Variants in PRKCA observed in about 807,000 individuals in gnomAD.
PRKCA encodes the protein protein kinase C alpha.
A neutral mutation model predicts 87.0 loss-of-function variants in PRKCA; 27 were observed. The ratio of observed to expected loss-of-function variants is 0.31; its 90% CI spans 0.23 to 0.43. The LOEUF (loss-of-function observed/expected upper bound fraction) is 0.43. Ranked by LOEUF, PRKCA falls within the 20% of genes least tolerant of loss-of-function variation. The probability of loss-of-function intolerance (pLI) is 1.00; values close to 1 mark genes in which losing one functional copy is unlikely to be tolerated. For missense variants in PRKCA, 518 were observed against 852.3 expected, an observed-to-expected ratio of 0.61 and a Z score of 4.88; for synonymous variants, 329 against 311.1, an observed-to-expected ratio of 1.06 and a Z score of -0.61.
intron 2 of PRKCA, among the ~76,000 whole-genome samples, chr17:66,374,428 G>A (rs1017124763): frequency 6.6e-6 from 1 of 152,116 alleles, no homozygotes; most frequent in Admixed American, 6.5e-5. Flanking sequence ...AGGTCACACG[G>A]GTGTCGCCCC....
At chr17:66,365,563 G>GTT (rs1567791718) in intron 2 of PRKCA, among the ~76,000 whole-genome samples, 2 of 152,096 alleles carry the variant, frequency 1.3e-5, no homozygotes, top group Non-Finnish European at 2.9e-5. Context: ...GTTACTTATA[G>GTT]GCAGCTATAT....
intron 2 of PRKCA, among the ~76,000 whole-genome samples, chr17:66,404,863 C>T (rs1401606213): frequency 6.8e-6 from 1 of 146,412 alleles, no homozygotes; most frequent in African/African-American, 2.5e-5. Context: ...ATTTCTCCTG[C>T]CTCAGCCTCC....
intron 2 of PRKCA, among the ~76,000 whole-genome samples, chr17:66,408,548 T>C (rs1295395370): frequency 6.6e-6 from 1 of 152,216 alleles, no homozygotes; most frequent in East Asian, 1.9e-4. Flanking sequence ...TAACTGGGAC[T>C]GTCTATGTCA....
At chr17:66,793,764 A>G (rs1975601112) in intron 16 of PRKCA, among the ~76,000 whole-genome samples, 1 of 152,112 alleles carries the variant, frequency 6.6e-6, no homozygotes, top group Non-Finnish European at 1.5e-5. Context: ...CACTGTGGGG[A>G]GGAGGGTACA....
chr17:66,758,016 C>T (rs964906737), intron 13 of PRKCA, among the ~76,000 whole-genome samples: 2 of 152,202 alleles, frequency 1.3e-5, no homozygotes, highest in Non-Finnish European at 2.9e-5. Flanking sequence ...TGAGCCACTG[C>T]GCCCGGCCAA....
At chr17:66,391,716 C>T (rs1910366339) in intron 2 of PRKCA, among the ~76,000 whole-genome samples, 1 of 152,102 alleles carries the variant, frequency 6.6e-6, no homozygotes, top group Admixed American at 6.6e-5. Context: ...AACTTTCAAA[C>T]AGAAAAGTTG....
At chr17:66,585,208 T>G (rs781010177) in intron 3 of PRKCA, among the ~76,000 whole-genome samples, 1 of 152,164 alleles carries the variant, frequency 6.6e-6, no homozygotes, top group Non-Finnish European at 1.5e-5. Flanking sequence ...GTTAGGCAGG[T>G]GGGTTCTCTA....
chr17:66,781,082 G>A (rs774471562), intron 14 of PRKCA, among the ~76,000 whole-genome samples: 8 of 152,106 alleles, frequency 5.3e-5, no homozygotes, highest in South Asian at 2.1e-4. Flanking sequence ...GCACTCCAGC[G>A]AGTGAGACTC....
chr17:66,557,116 T>C (rs189669930), intron 3 of PRKCA, among the ~76,000 whole-genome samples: 16 of 152,302 alleles, frequency 1.1e-4, no homozygotes, highest in Middle Eastern at 3.4e-3. Flanking sequence ...TTCAACTGGT[T>C]GGAAATGGAA....
intron 2 of PRKCA, among the ~76,000 whole-genome samples, chr17:66,368,298 A>G (rs1192864389): frequency 1.4e-5 from 2 of 141,336 alleles, no homozygotes; most frequent in Non-Finnish European, 3.0e-5. Context: ...ACACACATAT[A>G]TGTGTGTGTG....
chr17:66,702,151 C>T (rs1329605021), intron 8 of PRKCA, among the ~76,000 whole-genome samples: 4 of 151,296 alleles, frequency 2.6e-5, no homozygotes, highest in South Asian at 2.1e-4. Context: ...TATATATATA[C>T]ACACACACAT....
At chr17:66,374,852 C>G (rs9892086) in intron 2 of PRKCA, among the ~76,000 whole-genome samples, 1 of 151,450 alleles carries the variant, frequency 6.6e-6, no homozygotes, top group African/African-American at 2.4e-5. Flanking sequence ...GTCAGTCTCC[C>G]GAGTAGCTGG....
At chr17:66,482,618 T>C (rs1280591544) in intron 2 of PRKCA, among the ~76,000 whole-genome samples, 1 of 152,194 alleles carries the variant, frequency 6.6e-6, no homozygotes, top group East Asian at 1.9e-4. Context: ...ATCTCACCAC[T>C]AAAGATCAAG....
At position 66,572,032 on chromosome 17, in the gene PRKCA, T is replaced by C. The variant is rs147121603; in HGVS notation, c.289-69323T>C. Reference sequence around the variant, plus strand: ...GGATGCTGTCTGTTCACTTAGCTGATAGAGGTGGGATTCAGAGACTGTGGT... The same window carrying C: ...GGATGCTGTCTGTTCACTTAGCTGACAGAGGTGGGATTCAGAGACTGTGGT... On this transcript the variant is annotated intron_variant, in intron 3 of 16. Transcript: ENST00000413366. Among the ~76,000 whole-genome samples, 256 of 152,356 alleles carry C rather than the reference T, an allele frequency of 1.7e-3. 1 individual carries two copies. Among genetic ancestry groups the C allele is most frequent in the Non-Finnish European group, 3.0e-3 (206 of 68,040 alleles).
At chr17:66,708,704 G>T (rs144603018) in intron 8 of PRKCA, among the ~76,000 whole-genome samples, 2 of 152,232 alleles carry the variant, frequency 1.3e-5, no homozygotes, top group African/African-American at 4.8e-5. Context: ...ACTCAATACA[G>T]AGTACCCTAT....
chr17:66,795,549 T>A (rs1975644490), intron 16 of PRKCA, among the ~76,000 whole-genome samples: 1 of 152,254 alleles, frequency 6.6e-6, no homozygotes, highest in Non-Finnish European at 1.5e-5. Flanking sequence ...CATTACTCTC[T>A]CAAATACTTT....
intron 2 of PRKCA, among the ~76,000 whole-genome samples, chr17:66,437,412 A>G (rs1913454979): frequency 6.6e-6 from 1 of 152,226 alleles, no homozygotes; most frequent in African/African-American, 2.4e-5. Context: ...TCAAATGATA[A>G]GTTTCTTATT....
intron 3 of PRKCA, among the ~76,000 whole-genome samples, chr17:66,641,133 G>C (rs1971284649): frequency 7.0e-6 from 1 of 141,908 alleles, no homozygotes; most frequent in Admixed American, 7.1e-5. Context: ...ACTCCAGCCT[G>C]GGCGACGAGC....
intron 16 of PRKCA, among the ~76,000 whole-genome samples, chr17:66,790,089 G>A (rs889954975): frequency 1.3e-5 from 2 of 152,218 alleles, no homozygotes; most frequent in Admixed American, 1.3e-4. Context: ...TCGCTCAAAT[G>A]TGTCTCCTCT....
Sources: gnomAD v4.1 joint callset for allele counts (sites outside exome capture counted in the v4.1 genomes callset) on GRCh38, gnomAD v4.1.1 for gene constraint, MANE v1.5 for transcripts, NCBI Gene and HGNC (gene_info 2026-07-23, HGNC 2026-07-21) for gene names.